Variants in AKAP8 observed in about 807,000 individuals in gnomAD.
The protein encoded by AKAP8 is A-kinase anchoring protein 8.
A neutral mutation model predicts 67.5 loss-of-function variants in AKAP8; 24 were observed. The observed-to-expected ratio is 0.36, with a 90% CI of 0.26 to 0.50. The LOEUF is 0.50. AKAP8 is among the 20% of genes least tolerant of loss of function. The pLI is 0.97. For missense variants in AKAP8, 971 were observed against 955.9 expected (o/e 1.02, Z -0.21); for synonymous variants, 400 against 371.1 (o/e 1.08, Z -0.90).
At chr19:15,378,570 A>T (rs1036229340) in intron 1 of AKAP8, among the ~76,000 whole-genome samples, 1 of 152,212 alleles carries the variant, frequency 6.6e-6, no homozygotes, top group African/African-American at 2.4e-5. Flanking sequence ...AGCCAGGCTG[A>T]GCCTTCGCTA....
intron 6 of AKAP8, 75 bp downstream of exon 6, chr19:15,372,143 T>A (rs1240566315): frequency 6.2e-7 from 1 of 1,607,842 alleles, no homozygotes; most frequent in Non-Finnish European, 8.5e-7. Flanking sequence ...ACGACACAGA[T>A]GGGGCAAGCA....
chr19:15,372,323 A>G lies in AKAP8; in HGVS notation c.886T>C (p.Phe296Leu). ...DRPKRRGFDR[F>L]GPDGTGRKRK... Reference sequence around the variant, plus strand: ...TTCCTGCCCGTGCCATCTGGTCCGAAGCGGTCAAACCCTCTCCTCTTGGGC... The same window carrying G: ...TTCCTGCCCGTGCCATCTGGTCCGAGGCGGTCAAACCCTCTCCTCTTGGGC... The change falls in exon 6 of 14, where the codon TTC becomes CTC. Residue 296 changes from phenylalanine (F) to leucine (L), a missense_variant. Physicochemically the swap from Phe to Leu is conservative, Grantham distance 22 (BLOSUM62 0). Around this residue, in one of 3 missense-constraint regions of AKAP8, gnomAD observed 763 missense variants for 745.4 expected, o/e 1.02. Transcript: ENST00000269701. The G allele has an allele frequency of 6.2e-7, 1 of 1,614,166 alleles. No homozygotes were observed. Among genetic ancestry groups the G allele is most frequent in the Non-Finnish European group, 8.5e-7 (1 of 1,180,046 alleles).
chr19:15,361,916 C>A, intron 10 of AKAP8, 94 bp from the exon 11 acceptor site: 1 of 1,377,826 alleles, frequency 7.3e-7, no homozygotes, highest in Non-Finnish European at 1.0e-6. Context: ...GCTATCAGAG[C>A]AGCTGCGTGG....
At chr19:15,379,319 C>A (rs879553617) in intron 1 of AKAP8, 7 of 221,492 alleles carry the variant, frequency 3.2e-5, no homozygotes, top group East Asian at 1.1e-4. Flanking sequence ...GCTCCGCCCC[C>A]CTAGCGCCGC....
At chr19:15,368,055 G>A (rs964431292) in intron 9 of AKAP8, among the ~76,000 whole-genome samples, 180 bp downstream of exon 9, 3 of 152,240 alleles carry the variant, frequency 2.0e-5, no homozygotes, top group African/African-American at 7.2e-5. Flanking sequence ...CGTGTGCTGG[G>A]AGCACGAGTG....
rs370392213 is a variant in AKAP8 at position 15,370,193 on chromosome 19, T to C, written c.1039-14A>G. 1.9e-6 allele frequency: 3 copies of C among 1,614,072 alleles called. No homozygotes were observed. Among genetic ancestry groups the C allele is most frequent in the Non-Finnish European group, 2.5e-6 (3 of 1,179,984 alleles). The stretch of plus-strand genomic sequence containing the variant: ...GAGTTCATCCTCCTGGAAAAGAGTA[T>C]ACACAAAGTCCGGCAGTGAGCTGGT... On this transcript the variant is annotated splice_polypyrimidine_tract_variant and intron_variant, in intron 7 of 13. Transcript: ENST00000269701.
At chr19:15,360,800 C>T (rs373640607) in intron 12 of AKAP8, 48 bp downstream of exon 12, 50 of 1,581,314 alleles carry the variant, frequency 3.2e-5, no homozygotes, top group Non-Finnish European at 4.0e-5. Flanking sequence ...GGCTCTGAGC[C>T]GCAGCCCTGC....
chr19:15,362,421 G>C (rs1194592830), intron 9 of AKAP8, among the ~76,000 whole-genome samples, 170 bp from the exon 10 acceptor site: 1 of 31,228 alleles, frequency 3.2e-5, no homozygotes, highest in Admixed American at 3.5e-4. Context: ...GAAGCTGGAC[G>C]GTACTGCTGC....
chr19:15,358,270 C>A (rs546222228), intron 13 of AKAP8, among the ~76,000 whole-genome samples: 3 of 152,204 alleles, frequency 2.0e-5, no homozygotes, highest in African/African-American at 7.2e-5. Context: ...TCTTCACTAC[C>A]CCTCACCTTC....
chr19:15,370,916 C>T (rs1461447295), intron 7 of AKAP8, among the ~76,000 whole-genome samples: 1 of 152,138 alleles, frequency 6.6e-6, no homozygotes, highest in Non-Finnish European at 1.5e-5. Flanking sequence ...AGGTGTGAGC[C>T]ACCGCGCCAG....
chr19:15,379,019 C>T (rs1259713733), intron 1 of AKAP8: 1 of 152,982 alleles, frequency 6.5e-6, no homozygotes. Flanking sequence ...CAGCATCTGC[C>T]CCTCACCATC....
intron 1 of AKAP8, among the ~76,000 whole-genome samples, chr19:15,378,703 G>A (rs1320272531): frequency 6.6e-6 from 1 of 152,190 alleles, no homozygotes; most frequent in Non-Finnish European, 1.5e-5. Context: ...AACTTCTCGA[G>A]CTCCTGCAGC....
Position 15,355,038 on chromosome 19 carries a change from G to A in AKAP8, c.1956C>T (p.Gly652=), listed in dbSNP as rs756743031. ...ARSEAAEAGN[G]AETMAAEAES... ...CTGCCTCTGCTGCCATTGTCTCGGC[G>A]CCATTTCCAGCCTCTGCAGCCTCAC... The change falls in exon 14 of 14, where the codon GGC becomes GGT. Residue 652 remains glycine, a synonymous_variant. Transcript: ENST00000269701. 2.5e-5 allele frequency: 41 copies of A among 1,613,958 alleles called. No homozygotes were observed. Among genetic ancestry groups the A allele is most frequent in the African/African-American group, 5.3e-5 (4 of 74,922 alleles).
intron 9 of AKAP8, among the ~76,000 whole-genome samples, chr19:15,362,900 T>G (rs1192787103): frequency 2.7e-5 from 4 of 146,782 alleles, no homozygotes; most frequent in African/African-American, 1.0e-4. Context: ...CGCCATCCCA[T>G]CTAGGAAGTG....
intron 5 of AKAP8, 149 bp from the exon 6 acceptor site, chr19:15,372,496 G>A (rs887240306): frequency 8.1e-7 from 1 of 1,228,020 alleles, no homozygotes; most frequent in Non-Finnish European, 1.1e-6. Context: ...AAACTAAAAA[G>A]AAAATCATGC....
chr19:15,369,330 G>A lies in AKAP8; in HGVS notation c.1072+816C>T, dbSNP rs562288447. ...GCTGCGGGTCGCGGGGGGGAGGACC[G>A]CAGAGGGCTGGCAAAGCCTGAACAG... On this transcript the variant is annotated intron_variant, in intron 8 of 13. Transcript: ENST00000269701. The surrounding 1 kb of genome is among the most constrained non-coding windows in gnomAD (Gnocchi z 4.6). 127 of 914,174 alleles carry A rather than the reference G, an allele frequency of 1.4e-4. No individual in the cohort carries two copies. Among genetic ancestry groups the A allele is most frequent in the Non-Finnish European group, 1.5e-4 (118 of 765,048 alleles). The allele number at this position is 914,174 out of a possible 1,614,324, so 56.6% of individuals were successfully genotyped here. A position where few individuals can be genotyped will look rare whatever the true frequency, so the allele number is the denominator to read the frequency against.
chr19:15,368,699 T>C, intron 8 of AKAP8: 3 of 985,282 alleles, frequency 3.0e-6, no homozygotes, highest in Non-Finnish European at 3.6e-6. Context: ...TCTCCCCGGA[T>C]GAAGAGGCGG....
At chr19:15,362,968 G>C (rs1053524573) in intron 9 of AKAP8, among the ~76,000 whole-genome samples, 5 of 151,926 alleles carry the variant, frequency 3.3e-5, no homozygotes, top group Admixed American at 3.3e-4. Context: ...TCTCTGCCCA[G>C]CCGCCCATTG....
chr19:15,373,820 C>T lies in AKAP8; in HGVS notation c.337G>A (p.Gly113Ser), dbSNP rs138778621. Reference protein sequence around the residue: ...MSKEGGRGGSGGGGEGIQDRE... With the variant: ...MSKEGGRGGSSGGGEGIQDRE... Reference sequence around the variant, plus strand: ...TCCTGTATGCCCTCCCCACCGCCGCCGCTCCCGCCCCTGCCTCCTTCCTTG... The same window carrying T: ...TCCTGTATGCCCTCCCCACCGCCGCTGCTCCCGCCCCTGCCTCCTTCCTTG... The change falls in exon 4 of 14, where the codon GGC (glycine) becomes AGC (serine). Residue 113 changes from glycine to serine, a missense_variant. This residue lies in a region of AKAP8 where 763 missense variants were observed against 745.4 expected (regional missense o/e 1.02). Coordinates refer to ENST00000269701, the MANE Select transcript of AKAP8 (RefSeq NM_005858.4). The T allele has an allele frequency of 5.2e-5, 83 of 1,611,544 alleles. No individual in the cohort carries two copies. Among genetic ancestry groups the T allele is most frequent in the Non-Finnish European group, 6.4e-5 (76 of 1,179,846 alleles).
Sources: gnomAD v4.1 joint callset for allele counts (sites outside exome capture counted in the v4.1 genomes callset) on GRCh38, gnomAD v4.1.1 for gene constraint, gnomAD v4.1.1 regional missense constraint, Gnocchi (gnomAD v3.1) non-coding constraint, MANE v1.5 for transcripts, NCBI Gene and HGNC (gene_info 2026-07-23, HGNC 2026-07-21) for gene names.